Variants in EMP2 observed in about 807,000 individuals in gnomAD.
The protein encoded by EMP2 is epithelial membrane protein 2.
EMP2 carries 19 observed loss-of-function variants against 13.7 expected under a neutral mutation model. The ratio of observed to expected loss-of-function variants is 1.38; its 90% CI spans 0.97 to 2.03. EMP2 has a LOEUF of 2.03. EMP2 is among the 30% of genes most tolerant of loss of function. The probability of loss-of-function intolerance (pLI) is 0.00; values close to 1 mark genes in which losing one functional copy is unlikely to be tolerated. For synonymous variants in EMP2, 97 were observed against 84.7 expected (o/e 1.15, Z -0.80); for missense variants, 253 against 220.7 (o/e 1.15, Z -0.93).
chr16:10,533,943 G>A (rs1227115955), intron 4 of EMP2, among the ~76,000 whole-genome samples: 2 of 151,562 alleles, frequency 1.3e-5, no homozygotes, highest in Non-Finnish European at 2.9e-5. Context: ...GTGAAACCCC[G>A]TCCCTACTAA....
chr16:10,574,845 C>T (rs1036131224), intron 1 of EMP2, among the ~76,000 whole-genome samples: 8 of 152,092 alleles, frequency 5.3e-5, no homozygotes, highest in Non-Finnish European at 7.4e-5. Context: ...CCACCGTGCC[C>T]GGCCCATATA....
intron 1 of EMP2, among the ~76,000 whole-genome samples, chr16:10,548,057 A>G (rs2050753367): frequency 2.6e-5 from 4 of 152,138 alleles, no homozygotes; most frequent in South Asian, 4.1e-4. Context: ...GCAACATTTC[A>G]TGGGGTCTTA....
chr16:10,543,426 A>G, intron 3 of EMP2, 144 bp downstream of exon 3: 1 of 875,536 alleles, frequency 1.1e-6, no homozygotes, highest in Non-Finnish European at 1.8e-6. Context: ...CCGCTCCAGC[A>G]CACACTGAGC....
intron 1 of EMP2, among the ~76,000 whole-genome samples, chr16:10,575,253 T>A (rs1352860457): frequency 1.1e-5 from 1 of 90,846 alleles, no homozygotes; most frequent in Non-Finnish European, 2.0e-5. Flanking sequence ...TTTTTTTTTT[T>A]TTTTTTTTTT....
chr16:10,552,521 C>T (rs2050795851), intron 1 of EMP2, among the ~76,000 whole-genome samples: 1 of 152,168 alleles, frequency 6.6e-6, no homozygotes, highest in Non-Finnish European at 1.5e-5. Context: ...GCTAGTCAGT[C>T]TCCAATACTT....
chr16:10,576,208 C>A (rs1419558698), intron 1 of EMP2, among the ~76,000 whole-genome samples: 1 of 151,944 alleles, frequency 6.6e-6, no homozygotes, highest in Non-Finnish European at 1.5e-5. Flanking sequence ...CATAATTATT[C>A]TTTTCTGTTT....
At chr16:10,537,109 T>C (rs952366758) in intron 4 of EMP2, among the ~76,000 whole-genome samples, 2 of 152,116 alleles carry the variant, frequency 1.3e-5, no homozygotes, top group African/African-American at 4.8e-5. Context: ...CCCAGATTTC[T>C]TGCCTTCATC....
At chr16:10,545,565 C>G (rs1038130972) in intron 2 of EMP2, 62 of 158,302 alleles carry the variant, frequency 3.9e-4, no homozygotes, top group African/African-American at 1.4e-3. Flanking sequence ...AGGCTGCACG[C>G]TCCTTATGAG....
At chr16:10,535,081 G>A (rs150373958) in intron 4 of EMP2, among the ~76,000 whole-genome samples, 1 of 152,276 alleles carries the variant, frequency 6.6e-6, no homozygotes, top group Non-Finnish European at 1.5e-5. Flanking sequence ...CCAAGACCTG[G>A]TTTTTCAGCT....
intron 1 of EMP2, among the ~76,000 whole-genome samples, chr16:10,555,121 T>C (rs1007910223): frequency 6.6e-6 from 1 of 152,118 alleles, no homozygotes; most frequent in African/African-American, 2.4e-5. Flanking sequence ...GGCCAAGACT[T>C]GCTCCATCTC....
At chr16:10,561,391 A>G (rs988588097) in intron 1 of EMP2, among the ~76,000 whole-genome samples, 1 of 152,178 alleles carries the variant, frequency 6.6e-6, no homozygotes, top group Non-Finnish European at 1.5e-5. Flanking sequence ...TGGCAGACAA[A>G]GCCACTGGTA....
At chr16:10,547,496 G>T (rs201479541) in intron 2 of EMP2, 44 bp downstream of exon 2, 54 of 1,601,952 alleles carry the variant, frequency 3.4e-5, no homozygotes, top group Non-Finnish European at 4.6e-5. Flanking sequence ...TCTATTGACT[G>T]CAGGACCCAG....
intron 1 of EMP2, among the ~76,000 whole-genome samples, chr16:10,561,590 G>A (rs186483597): frequency 5.9e-5 from 9 of 152,302 alleles, no homozygotes; most frequent in South Asian, 2.1e-4. Context: ...CTCATTGGCC[G>A]AATTGGCAAC....
intron 1 of EMP2, among the ~76,000 whole-genome samples, chr16:10,551,856 G>A (rs1004929356): frequency 3.3e-5 from 5 of 152,072 alleles, no homozygotes; most frequent in East Asian, 1.9e-4. Context: ...ATCCCCCCAC[G>A]GAATGGATCA....
intron 1 of EMP2, among the ~76,000 whole-genome samples, chr16:10,550,987 A>AT (rs1596374764): frequency 6.6e-6 from 1 of 151,644 alleles, no homozygotes; most frequent in East Asian, 1.9e-4. Flanking sequence ...AAAAAAAAAA[A>AT]TTGTAGAAGT....
intron 3 of EMP2, among the ~76,000 whole-genome samples, chr16:10,542,862 T>C: frequency 6.6e-6 from 1 of 152,208 alleles, no homozygotes; most frequent in African/African-American, 2.4e-5. Flanking sequence ...TTGTTTGTTT[T>C]TGAGACAGGG....
intron 1 of EMP2, among the ~76,000 whole-genome samples, chr16:10,552,269 CA>C (rs2050794043): frequency 6.6e-6 from 1 of 152,104 alleles, no homozygotes; most frequent in African/African-American, 2.4e-5. Flanking sequence ...ATAATAGCTT[CA>C]TATGTTGTCC....
At chr16:10,549,877 C>CTTTTTTTTTT (rs1376274380) in intron 1 of EMP2, among the ~76,000 whole-genome samples, 3 of 137,226 alleles carry the variant, frequency 2.2e-5, no homozygotes, top group Non-Finnish European at 3.1e-5. Context: ...CTTTTTTTTT[C>CTTTTTTTTTT]TTTTTCTTTT....
intron 3 of EMP2, among the ~76,000 whole-genome samples, chr16:10,538,361 C>A (rs1282448681): frequency 1.3e-5 from 2 of 152,216 alleles, no homozygotes; most frequent in African/African-American, 4.8e-5. Flanking sequence ...ACAGACCCCA[C>A]ATGCTTGGCT....
Sources: gnomAD v4.1 joint callset for allele counts (sites outside exome capture counted in the v4.1 genomes callset) on GRCh38, gnomAD v4.1.1 for gene constraint, MANE v1.5 for transcripts, NCBI Gene and HGNC (gene_info 2026-07-23, HGNC 2026-07-21) for gene names.